KCNB2: variants seen among roughly 807,000 people sequenced by gnomAD.
KCNB2 encodes the protein potassium voltage-gated channel subfamily B member 2.
A neutral mutation model predicts 61.5 loss-of-function variants in KCNB2; 15 were observed. The observed-to-expected ratio is 0.24, with a 90% CI of 0.16 to 0.38. The LOEUF (loss-of-function observed/expected upper bound fraction) is 0.38. Among genes scored for constraint, KCNB2 ranks in the 10% least tolerant of loss-of-function variants. The pLI, the probability that KCNB2 is intolerant of heterozygous loss-of-function variation, is 1.00. For missense variants in KCNB2, 828 were observed against 1,125.2 expected, an observed-to-expected ratio of 0.74 and a Z score of 3.78; for synonymous variants, 457 against 446.0, an observed-to-expected ratio of 1.02 and a Z score of -0.31.
At chr8:72,639,026 T>A (rs1440684291) in intron 2 of KCNB2, among the ~76,000 whole-genome samples, 1 of 152,164 alleles carries the variant, frequency 6.6e-6, no homozygotes, top group African/African-American at 2.4e-5. Context: ...GCTTAAATCA[T>A]CACCTATAAA....
chr8:72,572,561 GCT>G (rs970297812), intron 2 of KCNB2, among the ~76,000 whole-genome samples: 2 of 147,832 alleles, frequency 1.4e-5, no homozygotes, highest in African/African-American at 5.1e-5. Context: ...TCTCTCTCAG[GCT>G]CTCTCTGCGT....
intron 2 of KCNB2, among the ~76,000 whole-genome samples, chr8:72,716,676 G>A (rs1459384096): frequency 6.6e-6 from 1 of 151,816 alleles, no homozygotes; most frequent in Non-Finnish European, 1.5e-5. Context: ...AATAATAAGA[G>A]CTATCTATGA....
chr8:72,828,293 A>G (rs1389811413), intron 2 of KCNB2, among the ~76,000 whole-genome samples: 1 of 152,218 alleles, frequency 6.6e-6, no homozygotes. Context: ...ATTCTGTTTC[A>G]TCTAATGTCC....
intron 2 of KCNB2, among the ~76,000 whole-genome samples, chr8:72,708,984 C>T (rs897619732): frequency 6.6e-6 from 1 of 152,170 alleles, no homozygotes; most frequent in African/African-American, 2.4e-5. Flanking sequence ...AAACATGTAA[C>T]TTGGCTATAT....
chr8:72,728,753 A>G (rs1468269255), intron 2 of KCNB2, among the ~76,000 whole-genome samples: 1 of 152,206 alleles, frequency 6.6e-6, no homozygotes, highest in Non-Finnish European at 1.5e-5. Flanking sequence ...AAGGAGTAAC[A>G]TTTAGACTGG....
At chr8:72,574,686 CATTA>C (rs1421501819) in intron 2 of KCNB2, among the ~76,000 whole-genome samples, 1 of 152,100 alleles carries the variant, frequency 6.6e-6, no homozygotes, top group East Asian at 1.9e-4. Flanking sequence ...TCAATAAATA[CATTA>C]ATTATCATTT....
At chr8:72,898,951 A>G (rs1293913452) in intron 2 of KCNB2, among the ~76,000 whole-genome samples, 1 of 152,022 alleles carries the variant, frequency 6.6e-6, no homozygotes, top group Non-Finnish European at 1.5e-5. Flanking sequence ...AGCTTCATCC[A>G]TTTCACTGCA....
chr8:72,758,207 C>A (rs548155169), intron 2 of KCNB2, among the ~76,000 whole-genome samples: 1 of 152,098 alleles, frequency 6.6e-6, no homozygotes, highest in Non-Finnish European at 1.5e-5. Context: ...TGAGAAGATT[C>A]GAAAAGGAAG....
At chr8:72,626,727 G>A (rs1332619145) in intron 2 of KCNB2, among the ~76,000 whole-genome samples, 2 of 152,240 alleles carry the variant, frequency 1.3e-5, no homozygotes, top group Non-Finnish European at 2.9e-5. Context: ...AATTCAGGCA[G>A]TCTGGTTGCA....
At chr8:72,677,785 G>A (rs1018190035) in intron 2 of KCNB2, among the ~76,000 whole-genome samples, 1 of 152,040 alleles carries the variant, frequency 6.6e-6, no homozygotes, top group Non-Finnish European at 1.5e-5. Context: ...TCTCAATGAA[G>A]CTTTTATAGA....
chr8:72,884,445 G>A (rs1183363099), intron 2 of KCNB2, among the ~76,000 whole-genome samples: 2 of 152,056 alleles, frequency 1.3e-5, no homozygotes, highest in Non-Finnish European at 2.9e-5. Context: ...TTTTACAGAA[G>A]TTTTGATTTT....
chr8:72,607,946 A>G (rs1563537297), intron 2 of KCNB2, among the ~76,000 whole-genome samples: 1 of 152,228 alleles, frequency 6.6e-6, no homozygotes, highest in Non-Finnish European at 1.5e-5. Flanking sequence ...TCATTATTAA[A>G]CATTTATTGA....
At chr8:72,688,122 A>G (rs969389240) in intron 2 of KCNB2, among the ~76,000 whole-genome samples, 3 of 152,210 alleles carry the variant, frequency 2.0e-5, no homozygotes, top group Admixed American at 6.5e-5. Context: ...CAGCTCCTAC[A>G]TAAAGCATAT....
In KCNB2 at chr8:72,709,527, G is replaced by A. The variant is rs551428776; in HGVS notation, c.579+141214G>A. The stretch of plus-strand genomic sequence containing the variant: ...TTTTGCTCATGGCAGAAGGTGAAGC[G>A]GGAGCAGGTGTGTCACATGGCAAGA... On this transcript the variant is annotated intron_variant, in intron 2 of 2. Coordinates refer to ENST00000523207, the MANE Select transcript of KCNB2 (RefSeq NM_004770.3). Among the ~76,000 whole-genome samples the A allele has an allele frequency of 3.4e-4, 52 of 151,870 alleles. No individual in the cohort carries two copies. In the East Asian group the frequency reaches 8.8e-3, roughly 26 times the overall value.
chr8:72,611,439 C>T (rs72668149), intron 2 of KCNB2, among the ~76,000 whole-genome samples: 2 of 152,188 alleles, frequency 1.3e-5, no homozygotes, highest in African/African-American at 2.4e-5. Flanking sequence ...GACCCCAGCA[C>T]ACTAAAGTTC....
At chr8:72,626,996 G>A (rs995903218) in intron 2 of KCNB2, among the ~76,000 whole-genome samples, 3 of 152,182 alleles carry the variant, frequency 2.0e-5, no homozygotes, top group African/African-American at 7.2e-5. Flanking sequence ...TTCTAAGTAG[G>A]AAACCATTGT....
At chr8:72,596,854 G>A (rs1159913967) in intron 2 of KCNB2, among the ~76,000 whole-genome samples, 1 of 152,090 alleles carries the variant, frequency 6.6e-6, no homozygotes, top group Non-Finnish European at 1.5e-5. Flanking sequence ...GATGCCAAAT[G>A]TGATGCCTGA....
At chr8:72,665,723 G>A (rs527948925) in intron 2 of KCNB2, among the ~76,000 whole-genome samples, 2 of 120,470 alleles carry the variant, frequency 1.7e-5, no homozygotes, top group South Asian at 5.9e-4. Flanking sequence ...CTGTTTTTAT[G>A]GATATTTACA....
intron 2 of KCNB2, among the ~76,000 whole-genome samples, chr8:72,899,540 C>G (rs1000319805): frequency 1.3e-5 from 2 of 152,110 alleles, no homozygotes; most frequent in African/African-American, 4.8e-5. Flanking sequence ...TTCAGGATAT[C>G]AAATCAATGT....
Sources: gnomAD v4.1 joint callset for allele counts (sites outside exome capture counted in the v4.1 genomes callset) on GRCh38, gnomAD v4.1.1 for gene constraint, MANE v1.5 for transcripts, NCBI Gene and HGNC (gene_info 2026-07-23, HGNC 2026-07-21) for gene names.